SRGAP1: variants seen among roughly 807,000 people sequenced by gnomAD.
SRGAP1 encodes SLIT-ROBO Rho GTPase activating protein 1, also known as SLIT-ROBO Rho GTPase-activating protein 1.
SRGAP1 carries 43 observed loss-of-function variants against 121.9 expected under a neutral mutation model. That is an observed-to-expected ratio of 0.35 (90% CI 0.28 to 0.46). The LOEUF (loss-of-function observed/expected upper bound fraction) is 0.46. Among genes scored for constraint, SRGAP1 ranks in the 20% least tolerant of loss-of-function variants. SRGAP1 has a pLI of 1.00. For synonymous variants in SRGAP1, 447 were observed against 485.4 expected (o/e 0.92, Z 1.04); for missense variants, 1,102 against 1,350.9 (o/e 0.82, Z 2.89).
chr12:63,889,598 A>G (rs1900508179), intron 1 of SRGAP1, among the ~76,000 whole-genome samples: 1 of 152,090 alleles, frequency 6.6e-6, no homozygotes, highest in African/African-American at 2.4e-5. Context: ...GAGAATATCA[A>G]TGGCCTTAGG....
rs115343529 is a variant in SRGAP1, at chr12:64,097,267, A to G, written c.1705A>G (p.Ser569Gly). 561 of 1,609,728 alleles carry G rather than the reference A, an allele frequency of 3.5e-4. 1 individual carries two copies. The African/African-American group carries it at 6.7e-3, about 19-fold the overall frequency. The change falls in exon 15 of 22, where the codon AGT becomes GGT. Residue 569 changes from serine (S) to glycine (G), a missense_variant. Transcript: ENST00000355086. The stretch of plus-strand genomic sequence containing the variant: ...TGAAAATCCTTTGGCTGATGACCAG[A>G]GTAACCATGATATTAACTCAGTTGC... ...RGENPLADDQ[S>G]NHDINSVAGV... is the part of the protein sequence containing the mutation.
At chr12:63,943,610 A>G (rs993638131) in intron 1 of SRGAP1, among the ~76,000 whole-genome samples, 3 of 152,118 alleles carry the variant, frequency 2.0e-5, no homozygotes, top group African/African-American at 7.2e-5. Flanking sequence ...CAACTATTCT[A>G]TGTTTTTTTT....
At chr12:63,866,510 T>C (rs943602302) in intron 1 of SRGAP1, among the ~76,000 whole-genome samples, 2 of 152,200 alleles carry the variant, frequency 1.3e-5, no homozygotes, top group African/African-American at 4.8e-5. Context: ...GAAATATGCA[T>C]TAAAATGATG....
intron 10 of SRGAP1, chr12:64,081,993 T>C (rs541734066): frequency 6.1e-4 from 74 of 122,168 alleles, no homozygotes; most frequent in Non-Finnish European, 1.1e-3. Context: ...CACAGTGTCA[T>C]GTAAGGTCTT....
intron 1 of SRGAP1, among the ~76,000 whole-genome samples, chr12:63,918,459 C>A (rs1022913785): frequency 4.6e-5 from 7 of 152,144 alleles, no homozygotes; most frequent in Admixed American, 3.9e-4. Context: ...CTCTGTCACC[C>A]AGGTTGGAGT....
chr12:63,845,649 T>G (rs1898879025), intron 1 of SRGAP1, among the ~76,000 whole-genome samples: 1 of 152,376 alleles, frequency 6.6e-6, no homozygotes, highest in African/African-American at 2.4e-5. Flanking sequence ...TTACTTTCTA[T>G]GCCTTGTGAT....
At position 63,925,770 on chromosome 12, in the gene SRGAP1, G is replaced by A. The variant is rs536160773; in HGVS notation, c.68-58177G>A. Among the ~76,000 whole-genome samples, 14 of 152,236 alleles carry A rather than the reference G, an allele frequency of 9.2e-5. No homozygotes were observed. The South Asian group carries it at 2.7e-3, about 29-fold the overall frequency. On this transcript the variant is annotated intron_variant, in intron 1 of 21. Coordinates refer to ENST00000355086, the MANE Select transcript of SRGAP1 (RefSeq NM_020762.4). ...GTCCTTGTACTGATCAGGCCAGCCC[G>A]TCCACAGATAGAGATGGCATCCTTA...
At chr12:64,097,471 C>A in intron 15 of SRGAP1, 96 bp downstream of exon 15, 1 of 1,185,496 alleles carries the variant, frequency 8.4e-7, no homozygotes, top group East Asian at 2.5e-5. Context: ...ACCCCCACCC[C>A]CATTACCCCA....
intron 15 of SRGAP1, among the ~76,000 whole-genome samples, chr12:64,101,365 C>T (rs2036253995): frequency 7.1e-6 from 1 of 141,550 alleles, no homozygotes; most frequent in African/African-American, 2.6e-5. Context: ...AGTAGTTATC[C>T]AGCCATGTTT....
chr12:63,928,829 T>A (rs1376024982), intron 1 of SRGAP1, among the ~76,000 whole-genome samples: 2 of 152,184 alleles, frequency 1.3e-5, no homozygotes, highest in African/African-American at 4.8e-5. Flanking sequence ...GGCATTAGAT[T>A]CTCATAAGAA....
chr12:63,932,133 T>C lies in SRGAP1; in HGVS notation c.68-51814T>C, dbSNP rs554710755. Among the ~76,000 whole-genome samples, 6 of 152,054 alleles carry C rather than the reference T, an allele frequency of 3.9e-5. 1 individual carries two copies. Among genetic ancestry groups the C allele is most frequent in the African/African-American group, 1.4e-4 (6 of 41,502 alleles). On this transcript the variant is annotated intron_variant, in intron 1 of 21. Transcript: ENST00000355086. ...TCTACTAAAAATACAAAAAAAAAAT[T>C]AGCTGGGCGTGGTGGCACATGCCTG...
chr12:63,998,401 G>C (rs2033776118), intron 3 of SRGAP1, among the ~76,000 whole-genome samples: 1 of 152,136 alleles, frequency 6.6e-6, no homozygotes, highest in South Asian at 2.1e-4. Flanking sequence ...AAATCAGAGT[G>C]GGTCCTAGTA....
chr12:64,122,612 T>G (rs571111891), intron 18 of SRGAP1, among the ~76,000 whole-genome samples: 4 of 152,176 alleles, frequency 2.6e-5, no homozygotes, highest in Admixed American at 2.6e-4. Flanking sequence ...TTCAAAAAAA[T>G]AATAAGGCCA....
At chr12:63,950,022 G>A (rs1198516942) in intron 1 of SRGAP1, among the ~76,000 whole-genome samples, 7 of 152,136 alleles carry the variant, frequency 4.6e-5, no homozygotes, top group East Asian at 1.9e-4. Context: ...ACCAAAAGGC[G>A]GTGATTGTGT....
At chr12:64,116,178 G>GC (rs980556689) in intron 18 of SRGAP1, among the ~76,000 whole-genome samples, 1 of 147,604 alleles carries the variant, frequency 6.8e-6, no homozygotes, top group African/African-American at 2.5e-5. Flanking sequence ...GATTGCATGA[G>GC]CCCAGGAGTC....
intron 1 of SRGAP1, among the ~76,000 whole-genome samples, chr12:63,949,389 T>TTTA (rs1034817680): frequency 8.1e-6 from 1 of 123,998 alleles, no homozygotes; most frequent in South Asian, 2.7e-4. Context: ...ATCAGACATT[T>TTTA]TTATTATTTA....
In SRGAP1 at chr12:64,142,871, T is replaced by C; in HGVS notation, c.*199T>C. Reference sequence around the variant, plus strand: ...GTATTTTGTAATTTTTTTAAATAACTGGACATATGTCATTTTAAGGACAAT... The same window carrying C: ...GTATTTTGTAATTTTTTTAAATAACCGGACATATGTCATTTTAAGGACAAT... On this transcript the variant is annotated 3_prime_UTR_variant, in exon 22 of 22. Transcript: ENST00000355086. 15 of 680,720 alleles carry C rather than the reference T, an allele frequency of 2.2e-5. No homozygotes were observed. The South Asian group carries it at 3.1e-4, about 14-fold the overall frequency. The allele number at this position is 680,720 out of a possible 1,614,324, so 42.2% of individuals were successfully genotyped here. A position where few individuals can be genotyped will look rare whatever the true frequency, so the allele number is the denominator to read the frequency against.
intron 1 of SRGAP1, among the ~76,000 whole-genome samples, chr12:63,861,012 C>T (rs1488656102): frequency 6.6e-6 from 1 of 151,774 alleles, no homozygotes; most frequent in Non-Finnish European, 1.5e-5. Flanking sequence ...TTTTACTTTT[C>T]TCATGGGTCT....
rs1388082300 is a variant in SRGAP1, at chr12:64,144,168, C to A, written c.*1496C>A. 2 of 152,038 alleles carry A rather than the reference C, an allele frequency of 1.3e-5. No homozygotes were observed. The highest frequency in any genetic ancestry group is 3.9e-4 in the East Asian group (2 of 5,174). The allele number at this position is 152,038 out of a possible 1,614,324, so 9.4% of individuals were successfully genotyped here. On this transcript the variant is annotated 3_prime_UTR_variant, in exon 22 of 22. Transcript: ENST00000355086. ...ATTTCCATTCTCCTACTAGCAGCAGCTGATATCACCTGTAGACCTATGAGC... is the reference window on the plus strand; with the variant it reads ...ATTTCCATTCTCCTACTAGCAGCAGATGATATCACCTGTAGACCTATGAGC...
Sources: allele counts gnomAD v4.1 joint callset (sites outside exome capture counted in the v4.1 genomes callset), GRCh38; gene constraint gnomAD v4.1.1; transcripts MANE v1.5; gene names NCBI Gene and HGNC (gene_info 2026-07-23, HGNC 2026-07-21).